AUNIP: variants seen among roughly 807,000 people sequenced by gnomAD.
The protein encoded by AUNIP is aurora kinase A and ninein interacting protein.
AUNIP carries 16 observed loss-of-function variants against 12.2 expected under a neutral mutation model. The ratio of observed to expected loss-of-function variants is 1.31; its 90% CI spans 0.88 to 1.99. The LOEUF (loss-of-function observed/expected upper bound fraction) is 1.99, where lower values mean the gene tolerates loss of function less well. AUNIP is among the 30% of genes most tolerant of loss of function. The pLI is 0.00. For synonymous variants in AUNIP, 142 were observed against 154.8 expected, an observed-to-expected ratio of 0.92 and a Z score of 0.61; for missense variants, 411 against 419.1, an observed-to-expected ratio of 0.98 and a Z score of 0.17.
rs1279991016 is a variant in AUNIP, at chr1:25,834,644, A to G, written c.*349T>C. On this transcript the variant is annotated 3_prime_UTR_variant, in exon 3 of 3. Coordinates refer to ENST00000374298, the MANE Select transcript of AUNIP (RefSeq NM_024037.3). ...AAAAAAAAAAAAAAAACACATCCAT[A>G]AGCAAGGTCCCAGTCAGACATCTGG... 1 of 1,028,836 alleles carries G rather than the reference A, an allele frequency of 9.7e-7. No individual in the cohort carries two copies. Among genetic ancestry groups the G allele is most frequent in the East Asian group, 8.6e-5 (1 of 11,670 alleles). The allele number at this position is 1,028,836 out of a possible 1,614,324, so 63.7% of individuals were successfully genotyped here.
intron 1 of AUNIP, among the ~76,000 whole-genome samples, chr1:25,858,295 C>T (rs1274410511): frequency 6.6e-6 from 1 of 152,164 alleles, no homozygotes; most frequent in Non-Finnish European, 1.5e-5. Context: ...TATAAAGTCT[C>T]GGCAAAATGC....
At chr1:25,852,046 T>TG (rs2048427044) in intron 1 of AUNIP, among the ~76,000 whole-genome samples, 1 of 144,012 alleles carries the variant, frequency 6.9e-6, no homozygotes, top group African/African-American at 2.9e-5. Context: ...TCAACCTCCC[T>TG]GGGTTCAGTG....
Position 25,852,732 on chromosome 1 carries a change from G to A in AUNIP, c.78+6548C>T, listed in dbSNP as rs534521170. On this transcript the variant is annotated intron_variant, in intron 1 of 2. Coordinates refer to ENST00000374298, the MANE Select transcript of AUNIP (RefSeq NM_024037.3). Reference sequence around the variant, plus strand: ...TGGGATTACAGGTGTGAGCCACTGCGCCTGGCCGAGATTCTTTTTAATAAA... The same window carrying A: ...TGGGATTACAGGTGTGAGCCACTGCACCTGGCCGAGATTCTTTTTAATAAA... 4.1e-4 allele frequency among the ~76,000 whole-genome samples: 63 copies of A among 152,242 alleles called. 2 individuals are homozygous for A. The South Asian group carries it at 0.011, about 28-fold the overall frequency.
intron 1 of AUNIP, among the ~76,000 whole-genome samples, chr1:25,854,569 A>G (rs1404474593): frequency 2.6e-5 from 4 of 152,182 alleles, no homozygotes; most frequent in African/African-American, 9.6e-5. Flanking sequence ...CTAACATACA[A>G]TTTGGAACGG....
chr1:25,846,788 T>C lies in AUNIP; in HGVS notation c.79-9234A>G, dbSNP rs868267908. ...CATAATGCATGCATATCAGAGGTCA[T>C]TGTACATTTACTCTCAGTTTTGCTC... is the stretch of plus-strand genomic sequence containing the variant. On this transcript the variant is annotated intron_variant, in intron 1 of 2. Transcript: ENST00000374298. Among the ~76,000 whole-genome samples, 8 of 152,356 alleles carry C rather than the reference T, an allele frequency of 5.3e-5. 1 individual carries two copies. In the Middle Eastern group the frequency reaches 0.017, roughly 324 times the overall value.
intron 1 of AUNIP, among the ~76,000 whole-genome samples, chr1:25,845,489 C>T (rs1431442554): frequency 6.6e-6 from 1 of 152,114 alleles, no homozygotes; most frequent in Non-Finnish European, 1.5e-5. Context: ...TTTTTTACAC[C>T]CAGCTCCAAA....
chr1:25,852,022 C>T (rs1430376444), intron 1 of AUNIP, among the ~76,000 whole-genome samples: 2 of 151,966 alleles, frequency 1.3e-5, no homozygotes, highest in Non-Finnish European at 2.9e-5. Context: ...GCTCAATCAC[C>T]GCTCAGTGCA....
chr1:25,858,939 AG>A (rs1254647324), intron 1 of AUNIP, among the ~76,000 whole-genome samples: 2 of 152,166 alleles, frequency 1.3e-5, no homozygotes, highest in African/African-American at 4.8e-5. Flanking sequence ...GACGTCTCGC[AG>A]GGACTGTGGC....
At chr1:25,841,592 C>T (rs1272022788) in intron 1 of AUNIP, among the ~76,000 whole-genome samples, 4 of 151,622 alleles carry the variant, frequency 2.6e-5, no homozygotes, top group Non-Finnish European at 4.4e-5. Flanking sequence ...GGCACGATCT[C>T]GGCTCACTGC....
chr1:25,841,461 G>C (rs1020102159), intron 1 of AUNIP, among the ~76,000 whole-genome samples: 1 of 151,978 alleles, frequency 6.6e-6, no homozygotes, highest in African/African-American at 2.4e-5. Flanking sequence ...CTCAGTTCAT[G>C]TCTGTGTCCC....
chr1:25,836,415 G>C (rs201064082), intron 2 of AUNIP, among the ~76,000 whole-genome samples: 1 of 152,184 alleles, frequency 6.6e-6, no homozygotes, highest in East Asian at 1.9e-4. Flanking sequence ...ACACAATTAG[G>C]ATGCTAAGTC....
At chr1:25,843,660 C>T (rs169934) in intron 1 of AUNIP, among the ~76,000 whole-genome samples, 31,000 of 135,174 alleles carry the variant, frequency 0.23, 3,563 homozygotes, top group African/African-American at 0.28. Flanking sequence ...CAAAATAACA[C>T]GAATAGAAAT....
downstream of AUNIP, chr1:25,832,410 C>CTT (rs2048257729): frequency 2.7e-6 from 1 of 363,644 alleles, no homozygotes; most frequent in Admixed American, 6.2e-5. Context: ...CTGTCACTCA[C>CTT]TCAGCAGCTT....
In AUNIP at chr1:25,837,393, T is replaced by G; in HGVS notation, c.220+20A>C. The stretch of plus-strand genomic sequence containing the variant: ...TTTTTTGCTCTGGATAATGAAGTAT[T>G]CCCATATGGGTCACCATACCTGGCT... On this transcript the variant is annotated intron_variant, in intron 2 of 2. Coordinates refer to ENST00000374298, the MANE Select transcript of AUNIP (RefSeq NM_024037.3). 1 of 1,606,786 alleles carries G rather than the reference T, an allele frequency of 6.2e-7. No homozygotes were observed. Among genetic ancestry groups the G allele is most frequent in the South Asian group, 1.1e-5 (1 of 89,684 alleles).
Position 25,834,915 on chromosome 1 carries a change from CTCCT to C in AUNIP, c.*74_*77del. On this transcript the variant is annotated 3_prime_UTR_variant, in exon 3 of 3. Transcript: ENST00000374298. ...CCACCTTCCCACCTAAACAAACTCA[CTCCT>C]CTCTCCACCCACAACTATATTTTCC... The C allele has an allele frequency of 6.5e-7, 1 of 1,531,236 alleles. No homozygotes were observed. The highest frequency in any genetic ancestry group is 8.7e-7 in the Non-Finnish European group (1 of 1,144,256). 94.9% of individuals were successfully genotyped at this position (1,531,236 alleles called of 1,614,324 possible).
chr1:25,842,582 C>G (rs988101237), intron 1 of AUNIP, among the ~76,000 whole-genome samples: 1 of 152,228 alleles, frequency 6.6e-6, no homozygotes, highest in African/African-American at 2.4e-5. Flanking sequence ...AATAGTCTTA[C>G]ATAGGAAGAA....
intron 2 of AUNIP, 117 bp downstream of exon 2, chr1:25,837,296 C>T (rs2048309942): frequency 1.6e-6 from 2 of 1,259,846 alleles, no homozygotes; most frequent in Non-Finnish European, 2.2e-6. Context: ...TTCTAACAGG[C>T]TAAGTTTAAC....
At chr1:25,832,175 G>T, downstream of AUNIP, 1 of 1,545,318 alleles carries the variant, frequency 6.5e-7, no homozygotes, top group Non-Finnish European at 8.7e-7. Context: ...GAGAAGAGCT[G>T]GATTATATAT....
At position 25,835,080 on chromosome 1, in the gene AUNIP, C is replaced by T; in HGVS notation, c.987G>A (p.Gln329=). 1 of 1,614,220 alleles carries T rather than the reference C, an allele frequency of 6.2e-7. No individual in the cohort carries two copies. Among genetic ancestry groups the T allele is most frequent in the Non-Finnish European group, 8.5e-7 (1 of 1,180,032 alleles). ...TCAGATTTTGAGTTGGCCCATCCTCCTGGCACTGAGCCCAAGGACTGTTAG... is the reference window on the plus strand; with the variant it reads ...TCAGATTTTGAGTTGGCCCATCCTCTTGGCACTGAGCCCAAGGACTGTTAG... ...PFPNSPWAQC[Q]EDGPTQNLKP... is the part of the protein sequence containing the mutation. Residue 329 remains glutamine, a synonymous_variant, in exon 3 of 3, where the codon CAG becomes CAA. Transcript: ENST00000374298.
Sources: gnomAD v4.1 joint callset for allele counts (sites outside exome capture counted in the v4.1 genomes callset) on GRCh38, gnomAD v4.1.1 for gene constraint, MANE v1.5 for transcripts, NCBI Gene and HGNC (gene_info 2026-07-23, HGNC 2026-07-21) for gene names.